POT1: variants seen among roughly 807,000 people sequenced by gnomAD.
POT1 encodes the protein protection of telomeres protein 1.
POT1 carries 47 observed loss-of-function variants against 78.5 expected under a neutral mutation model. The observed-to-expected ratio is 0.60, with a 90% CI of 0.47 to 0.76. The LOEUF is 0.76. POT1 is among the 30% of genes least tolerant of loss of function. The pLI, the probability that POT1 is intolerant of heterozygous loss-of-function variation, is 0.00. For synonymous variants in POT1, 259 were observed against 260.7 expected, an observed-to-expected ratio of 0.99 and a Z score of 0.06; for missense variants, 646 against 749.9, an observed-to-expected ratio of 0.86 and a Z score of 1.62.
chr7:124,923,979 A>G (rs1328532229), intron 2 of POT1, among the ~76,000 whole-genome samples: 1 of 151,726 alleles, frequency 6.6e-6, no homozygotes, highest in East Asian at 1.9e-4. Context: ...GATATAAAAA[A>G]TTTCCCAGAT....
At position 124,827,286 on chromosome 7, in the gene POT1, G is replaced by A. The variant is rs969018798; in HGVS notation, c.1614C>T (p.Leu538=). Residue 538 remains leucine, a synonymous_variant, in exon 17 of 19, where the codon CTC becomes CTT. Transcript: ENST00000357628. ...TAAAGGTCATAACAAACACATATTG[G>A]AGGGGTACAATACCCAGTGCTAGTG... ...SVAEALGIVP[L]QYVFVMTFTL... The A allele has an allele frequency of 6.9e-6, 11 of 1,592,500 alleles. No individual in the cohort carries two copies. Among genetic ancestry groups the A allele is most frequent in the Non-Finnish European group, 8.6e-6 (10 of 1,163,570 alleles).
chr7:124,846,954 GCTGTTGA>G lies in POT1; in HGVS notation c.987_993del (p.Gln330TyrfsTer21). ...TACATAGTCTTACTTGTAGCAGATAGCTGTTGACATCTTTCTACCTCGTATAATGATA... is the reference window on the plus strand; with the variant it reads ...TACATAGTCTTACTTGTAGCAGATAGCATCTTTCTACCTCGTATAATGATA... On this transcript the variant is annotated frameshift_variant, in exon 12 of 19. Coordinates refer to ENST00000357628, the MANE Select transcript of POT1 (RefSeq NM_015450.3). LOFTEE classifies it high-confidence loss of function. 6.2e-7 allele frequency: 1 copy of G among 1,602,362 alleles called. No homozygotes were observed. Among genetic ancestry groups the G allele is most frequent in the Non-Finnish European group, 8.5e-7 (1 of 1,169,616 alleles).
chr7:124,824,057 C>T lies in POT1; in HGVS notation c.1810G>A (p.Glu604Lys), dbSNP rs753762757. 15 of 1,600,874 alleles carry T rather than the reference C, an allele frequency of 9.4e-6. No homozygotes were observed. The highest frequency in any genetic ancestry group is 1.3e-5 in the Non-Finnish European group (15 of 1,171,392). The change falls in exon 19 of 19, where the codon GAA becomes AAA. Residue 604 changes from glutamate to lysine, a missense_variant. Transcript: ENST00000357628. ...GIKIDAYPWL[E>K]CFIKSYNVTN... ...ACATTGTATGACTTGATGAAGCATT[C>T]CAACCACGGATATGCATCTACAAAA...
intron 2 of POT1, among the ~76,000 whole-genome samples, chr7:124,921,736 T>G (rs67146030): frequency 0.2 from 30,319 of 151,410 alleles, 3,762 homozygotes; most frequent in East Asian, 0.3. Flanking sequence ...GCCACACAAA[T>G]AAAACACAAT....
intron 16 of POT1, among the ~76,000 whole-genome samples, chr7:124,828,677 C>T (rs1794688790): frequency 6.6e-6 from 1 of 151,778 alleles, no homozygotes; most frequent in Non-Finnish European, 1.5e-5. Context: ...ACGAAGAGAC[C>T]AAGTTCAAGA....
At chr7:124,830,923 A>G (rs1381069708) in intron 15 of POT1, among the ~76,000 whole-genome samples, 1 of 152,218 alleles carries the variant, frequency 6.6e-6, no homozygotes, top group Non-Finnish European at 1.5e-5. Flanking sequence ...AAGAAACCTT[A>G]CAATCAATTA....
intron 4 of POT1, among the ~76,000 whole-genome samples, chr7:124,897,734 G>A (rs1344240933): frequency 6.6e-6 from 1 of 151,618 alleles, no homozygotes; most frequent in Non-Finnish European, 1.5e-5. Flanking sequence ...TAGTACCTTT[G>A]TGCATACTAG....
rs1795645080 is a variant in POT1, at chr7:124,863,349, C to T, written c.546+1G>A. On this transcript the variant is annotated splice_donor_variant, in intron 8 of 18. Coordinates refer to ENST00000357628, the MANE Select transcript of POT1 (RefSeq NM_015450.3). LOFTEE classifies it high-confidence loss of function. ...AATTCCCAGTATTAAAAAATATGTA[C>T]CTTTAGAAGAAATGATGCTCCGTCC... The T allele has an allele frequency of 1.2e-6, 2 of 1,608,872 alleles. No individual in the cohort carries two copies. The highest frequency in any genetic ancestry group is 8.5e-7 in the Non-Finnish European group (1 of 1,177,886).
At chr7:124,870,544 TAC>T (rs1220760379) in intron 7 of POT1, among the ~76,000 whole-genome samples, 7 of 152,138 alleles carry the variant, frequency 4.6e-5, no homozygotes, top group African/African-American at 1.7e-4. Context: ...AATCTTTGTA[TAC>T]ATTTTTTCTT....
intron 3 of POT1, among the ~76,000 whole-genome samples, chr7:124,908,769 G>C (rs1168164396): frequency 6.6e-6 from 1 of 151,840 alleles, no homozygotes; most frequent in Non-Finnish European, 1.5e-5. Context: ...TTTAACAAAT[G>C]TTTGGACAAC....
chr7:124,836,900 C>A (rs991486978), intron 14 of POT1, among the ~76,000 whole-genome samples: 1 of 152,144 alleles, frequency 6.6e-6, no homozygotes, highest in Non-Finnish European at 1.5e-5. Context: ...GCCACTAATG[C>A]CTAAATCAGT....
chr7:124,914,136 GAAAAA>G (rs35946307), intron 3 of POT1, among the ~76,000 whole-genome samples: 1 of 111,212 alleles, frequency 9.0e-6, no homozygotes, highest in Non-Finnish European at 1.8e-5. Context: ...CTCTGTCTCA[GAAAAA>G]AAAAAAAAAA....
intron 9 of POT1, 69 bp downstream of exon 9, chr7:124,858,866 TACATGTAACCATATATAAAAAA>T: frequency 3.6e-6 from 3 of 842,482 alleles, no homozygotes; most frequent in Non-Finnish European, 5.4e-6. Flanking sequence ...GTATCACCTA[TACATGTAACCATATATAAAAAA>T]TTTACATGAG....
intron 5 of POT1, among the ~76,000 whole-genome samples, chr7:124,894,119 T>C (rs946280041): frequency 1.3e-5 from 2 of 151,544 alleles, no homozygotes; most frequent in Non-Finnish European, 3.0e-5. Context: ...CAAATGGAAA[T>C]AAGGATACCT....
intron 6 of POT1, among the ~76,000 whole-genome samples, chr7:124,887,748 A>G (rs1796280931): frequency 6.6e-6 from 1 of 152,112 alleles, no homozygotes; most frequent in Non-Finnish European, 1.5e-5. Context: ...TGATACATAA[A>G]ATGATAAAGC....
intron 8 of POT1, among the ~76,000 whole-genome samples, chr7:124,860,876 T>A (rs772703966): frequency 6.6e-6 from 1 of 152,068 alleles, no homozygotes; most frequent in Non-Finnish European, 1.5e-5. Flanking sequence ...TCCGTTCTTG[T>A]GTTAGTTGGC....
At chr7:124,847,998 AG>A in intron 11 of POT1, among the ~76,000 whole-genome samples, 1 of 152,248 alleles carries the variant, frequency 6.6e-6, no homozygotes. Context: ...TCCTATCTAA[AG>A]AAAAAATGTC....
intron 5 of POT1, among the ~76,000 whole-genome samples, chr7:124,893,659 T>C (rs139142982): frequency 2.8e-4 from 43 of 151,660 alleles, no homozygotes; most frequent in African/African-American, 9.6e-4. Flanking sequence ...TCCATCACAT[T>C]CATCATACTA....
At chr7:124,869,160 G>T (rs935350184) in intron 7 of POT1, among the ~76,000 whole-genome samples, 1 of 152,222 alleles carries the variant, frequency 6.6e-6, no homozygotes, top group East Asian at 1.9e-4. Flanking sequence ...GTTAGTGTTT[G>T]TGTATACAAA....
Sources: gnomAD v4.1 joint callset for allele counts (sites outside exome capture counted in the v4.1 genomes callset) on GRCh38, gnomAD v4.1.1 for gene constraint, MANE v1.5 for transcripts, NCBI Gene and HGNC (gene_info 2026-07-23, HGNC 2026-07-21) for gene names.